Variants in KCNG2 observed in about 807,000 individuals in gnomAD.
The protein encoded by KCNG2 is voltage-gated potassium channel regulatory subunit KCNG2.
In KCNG2, 7 loss-of-function variants were observed where a neutral mutation model predicts 12.3. That is an observed-to-expected ratio of 0.57 (90% CI 0.32 to 1.07). The LOEUF (loss-of-function observed/expected upper bound fraction) is 1.07, where lower values mean the gene tolerates loss of function less well. Among genes scored for constraint, KCNG2 ranks in the 50% least tolerant of loss-of-function variants. The pLI is 0.04. For missense variants in KCNG2, 703 were observed against 726.0 expected, an observed-to-expected ratio of 0.97 and a Z score of 0.36; for synonymous variants, 414 against 351.4, an observed-to-expected ratio of 1.18 and a Z score of -1.99.
At chr18:79,869,166 T>C (rs900217606) in intron 3 of KCNG2, among the ~76,000 whole-genome samples, 5 of 151,992 alleles carry the variant, frequency 3.3e-5, no homozygotes, top group Non-Finnish European at 7.4e-5. Context: ...CCTGGATACC[T>C]CGGAGAATGA....
chr18:79,815,629 C>T (rs1379486504), intron 1 of KCNG2, among the ~76,000 whole-genome samples: 2 of 152,284 alleles, frequency 1.3e-5, no homozygotes, highest in African/African-American at 4.8e-5. Context: ...GCTGTCCCTG[C>T]CCACAGCACA....
intron 1 of KCNG2, among the ~76,000 whole-genome samples, chr18:79,840,269 C>A (rs549022884): frequency 6.6e-6 from 1 of 152,274 alleles, no homozygotes; most frequent in East Asian, 1.9e-4. Flanking sequence ...TAAATGAATT[C>A]AGCAAGATTG....
chr18:79,872,279 A>ATT (rs1568265416), intron 3 of KCNG2, among the ~76,000 whole-genome samples: 2 of 48,122 alleles, frequency 4.2e-5, no homozygotes, highest in Non-Finnish European at 1.1e-4. Context: ...TCAAAGCTTC[A>ATT]GTTTTTTTTT....
rs72980058 is a variant in KCNG2, at chr18:79,854,136, G to A, written c.-114-2243G>A. On this transcript the variant is annotated intron_variant, in intron 1 of 3. Transcript: ENST00000316249. The stretch of plus-strand genomic sequence containing the variant: ...TGGGCTCAGGCATCCAGGACTGGCC[G>A]CGGAGGGAAGGCAGGGGGCTGCCTG... Among the ~76,000 whole-genome samples, 772 of 152,362 alleles carry A rather than the reference G, an allele frequency of 5.1e-3. 7 individuals carry two copies. Among genetic ancestry groups the A allele is most frequent in the Non-Finnish European group, 8.4e-3 (571 of 68,036 alleles).
chr18:79,830,736 C>CAGGAGGGTTCCCTGCGGACAGAGCCTTT (rs1978293420), intron 1 of KCNG2, among the ~76,000 whole-genome samples: 4 of 122,102 alleles, frequency 3.3e-5, no homozygotes, highest in East Asian at 2.6e-4. Context: ...ACAGAGCCTT[C>CAGGAGGGTTCCCTGCGGACAGAGCCTTT]GTCAGGAGGG....
At chr18:79,806,099 G>A (rs570592466) in intron 1 of KCNG2, among the ~76,000 whole-genome samples, 39 of 152,328 alleles carry the variant, frequency 2.6e-4, no homozygotes, top group African/African-American at 8.9e-4. Context: ...CCCTGCCAGG[G>A]TGCAGGACAG....
chr18:79,886,947 CA>C (rs1209331067), intron 3 of KCNG2, among the ~76,000 whole-genome samples: 274 of 7,898 alleles, frequency 0.035, 88 homozygotes, highest in Middle Eastern at 0.25. Context: ...GACGTGGGGA[CA>C]GGGACATGGG....
chr18:79,847,895 A>G (rs1228657236), intron 1 of KCNG2, among the ~76,000 whole-genome samples: 1 of 152,244 alleles, frequency 6.6e-6, no homozygotes, highest in African/African-American at 2.4e-5. Context: ...TTAAGCCACA[A>G]TTTAATTTAA....
At position 79,799,202 on chromosome 18, in the gene KCNG2, C is replaced by T. The variant is rs1249129456; in HGVS notation, c.-115+1188C>T. ...TGATTAAGTGGAGAGGCTGTTCCACCCTCAGCCCTGCCCAGGCAGCTGGGT... is the reference window on the plus strand; with the variant it reads ...TGATTAAGTGGAGAGGCTGTTCCACTCTCAGCCCTGCCCAGGCAGCTGGGT... On this transcript the variant is annotated intron_variant, in intron 1 of 3. Coordinates refer to ENST00000316249, the MANE Select transcript of KCNG2 (RefSeq NM_012283.2). 3.3e-5 allele frequency among the ~76,000 whole-genome samples: 5 copies of T among 152,328 alleles called. No individual in the cohort carries two copies. The East Asian group carries it at 9.7e-4, about 29-fold the overall frequency.
Position 79,829,312 on chromosome 18 carries a change from G to C in KCNG2, c.-114-27067G>C, listed in dbSNP as rs376770160. ...TCTGCATGTATCTGTGTGTGTGTCTGTGTGTACATGTGTCTGTGTGTGTCT... is the reference window on the plus strand; with the variant it reads ...TCTGCATGTATCTGTGTGTGTGTCTCTGTGTACATGTGTCTGTGTGTGTCT... On this transcript the variant is annotated intron_variant, in intron 1 of 3. Transcript: ENST00000316249. 1.2e-4 allele frequency among the ~76,000 whole-genome samples: 18 copies of C among 151,844 alleles called. 2 individuals are homozygous for C. The South Asian group carries it at 3.8e-3, about 32-fold the overall frequency.
intron 1 of KCNG2, among the ~76,000 whole-genome samples, chr18:79,807,967 G>A (rs1197929617): frequency 5.5e-5 from 5 of 90,150 alleles, no homozygotes; most frequent in Admixed American, 1.1e-4. Flanking sequence ...CCGGGGCCGC[G>A]CTGACCACAC....
Position 79,899,521 on chromosome 18 carries a change from C to T in KCNG2, c.1106C>T (p.Thr369Ile). ...SYWWAVISMT[T>I]VGYGDMVPRS... ...TGGTGGGCCGTCATCTCCATGACCA[C>T]CGTGGGCTACGGCGACATGGTCCCG... is the stretch of plus-strand genomic sequence containing the variant. The change falls in exon 4 of 4, where the codon ACC becomes ATC. Residue 369 changes from threonine to isoleucine, a missense_variant. Thr to Ile is a moderately conservative substitution (Grantham distance 89). Transcript: ENST00000316249. 1.9e-6 allele frequency: 3 copies of T among 1,606,972 alleles called. No homozygotes were observed. Among genetic ancestry groups the T allele is most frequent in the Non-Finnish European group, 2.5e-6 (3 of 1,177,506 alleles).
intron 1 of KCNG2, among the ~76,000 whole-genome samples, chr18:79,841,132 A>C (rs1226526579): frequency 6.6e-6 from 1 of 152,074 alleles, no homozygotes. Flanking sequence ...TCAGCCAGGC[A>C]TGGTGGTGCA....
chr18:79,847,135 A>G lies in KCNG2; in HGVS notation c.-114-9244A>G, dbSNP rs979640398. Among the ~76,000 whole-genome samples, 8 of 152,376 alleles carry G rather than the reference A, an allele frequency of 5.3e-5. No individual in the cohort carries two copies. The East Asian group carries it at 1.3e-3, about 26-fold the overall frequency. On this transcript the variant is annotated intron_variant, in intron 1 of 3. Coordinates refer to ENST00000316249, the MANE Select transcript of KCNG2 (RefSeq NM_012283.2). ...ATGACAAATGCTTTAAGTCCTGAAC[A>G]GTTGGCTTCTGAGCTTCAGTGAAAA...
intron 1 of KCNG2, among the ~76,000 whole-genome samples, chr18:79,820,170 A>C (rs925480441): frequency 1.3e-5 from 2 of 152,174 alleles, no homozygotes; most frequent in Non-Finnish European, 2.9e-5. Flanking sequence ...AATGGGACTG[A>C]TGCTGCTCTG....
chr18:79,849,874 AC>A (rs1244536169), intron 1 of KCNG2, among the ~76,000 whole-genome samples: 2 of 149,810 alleles, frequency 1.3e-5, no homozygotes, highest in Non-Finnish European at 2.9e-5. Flanking sequence ...CCGAGACTCC[AC>A]CCAGGCTGAG....
intron 1 of KCNG2, among the ~76,000 whole-genome samples, chr18:79,825,754 GT>G (rs1233019813): frequency 6.6e-6 from 1 of 152,214 alleles, no homozygotes; most frequent in Non-Finnish European, 1.5e-5. Context: ...AATTAGAATC[GT>G]TTTTATTCCT....
intron 3 of KCNG2, among the ~76,000 whole-genome samples, chr18:79,887,976 G>C (rs1980593778): frequency 6.6e-6 from 1 of 152,188 alleles, no homozygotes; most frequent in East Asian, 1.9e-4. Flanking sequence ...CAGGGTAATA[G>C]CCTTGGAGAC....
At chr18:79,866,396 TGG>T (rs1164694865) in intron 3 of KCNG2, among the ~76,000 whole-genome samples, 197 of 127,378 alleles carry the variant, frequency 1.5e-3, no homozygotes, top group Non-Finnish European at 1.8e-3. Context: ...CTGAGAGGTC[TGG>T]GTGCTGAGGT....
Sources: gnomAD v4.1 joint callset for allele counts (sites outside exome capture counted in the v4.1 genomes callset) on GRCh38, gnomAD v4.1.1 for gene constraint, MANE v1.5 for transcripts, NCBI Gene and HGNC (gene_info 2026-07-23, HGNC 2026-07-21) for gene names.